The following COPS8 variants were observed in gnomAD, a reference collection of about 807,000 sequenced individuals.
COPS8 encodes COP9 signalosome complex subunit 8.
Under a neutral mutation model 31.5 loss-of-function variants are expected in COPS8, and 11 were observed. That is an observed-to-expected ratio of 0.35 (90% confidence interval 0.22 to 0.58). COPS8 has a LOEUF of 0.58. Ranked by LOEUF, COPS8 falls within the 20% of genes least tolerant of loss-of-function variation. The pLI is 0.83. For missense variants in COPS8, 215 were observed against 255.1 expected, an observed-to-expected ratio of 0.84 and a Z score of 1.07; for synonymous variants, 81 against 89.3, an observed-to-expected ratio of 0.91 and a Z score of 0.52.
At position 237,095,816 on chromosome 2, in the gene COPS8, T is replaced by G; in HGVS notation, c.440-6T>G. The G allele has an allele frequency of 6.3e-7, 1 of 1,599,086 alleles. No homozygotes were observed. On this transcript the variant is annotated splice_polypyrimidine_tract_variant and splice_region_variant and intron_variant, in intron 5 of 7. Transcript: ENST00000354371. ...CCGGATCTTTATGTGTAATATACTT[T>G]TTTAGGCATATTAGAACAAGGATGG...
rs1050649170 is a variant in COPS8 at position 237,085,975 on chromosome 2, C to A, written c.11C>A (p.Ala4Glu). The A allele has an allele frequency of 1.9e-6, 3 of 1,611,514 alleles. No homozygotes were observed. The highest frequency in any genetic ancestry group is 1.7e-5 in the Admixed American group (1 of 59,934). MPVAVMAESAFSFK... is the reference protein window; with the variant it reads MPVEVMAESAFSFK... ...AGGCCGGCCGCGAAGATGCCAGTGG[C>A]GGTGATGGCGGAAAGCGCCTTTAGT... The change falls in exon 1 of 8, where the codon GCG becomes GAG. Residue 4 changes from alanine (A) to glutamate (E), a missense_variant. Coordinates refer to ENST00000354371, the MANE Select transcript of COPS8 (RefSeq NM_006710.5).
intron 7 of COPS8, among the ~76,000 whole-genome samples, chr2:237,097,224 CT>C (rs996251270): frequency 0.024 from 2,306 of 95,978 alleles, 25 homozygotes; most frequent in African/African-American, 0.045. Context: ...TGTGGGTTTT[CT>C]TTTTTTTTTT....
At chr2:237,087,486 C>T in intron 2 of COPS8, 1 of 413,528 alleles carries the variant, frequency 2.4e-6, no homozygotes, top group Admixed American at 4.0e-5. Flanking sequence ...CCTCTATTTA[C>T]TTAACTTCAT....
intron 5 of COPS8, 59 bp from the exon 6 acceptor site, chr2:237,095,763 G>C: frequency 8.8e-7 from 1 of 1,137,330 alleles, no homozygotes; most frequent in Non-Finnish European, 1.3e-6. Context: ...TGGACAAGTT[G>C]TGGATTTTGT....
chr2:237,091,753 G>A (rs1339546050), intron 4 of COPS8, among the ~76,000 whole-genome samples: 1 of 152,242 alleles, frequency 6.6e-6, no homozygotes, highest in African/African-American at 2.4e-5. Flanking sequence ...GTAGACAGTA[G>A]CCATTCTCAT....
At position 237,085,955 on chromosome 2, in the gene COPS8, G is replaced by C; in HGVS notation, c.-10G>C. On this transcript the variant is annotated 5_prime_UTR_variant, in exon 1 of 8. Coordinates refer to ENST00000354371, the MANE Select transcript of COPS8 (RefSeq NM_006710.5). ...GTCCGGACGGTGCAGCGGCGAGGCC[G>C]GCCGCGAAGATGCCAGTGGCGGTGA... 2.5e-6 allele frequency: 4 copies of C among 1,612,000 alleles called. No homozygotes were observed. The highest frequency in any genetic ancestry group is 3.4e-6 in the Non-Finnish European group (4 of 1,178,990).
intron 7 of COPS8, 99 bp from the exon 8 acceptor site, chr2:237,097,564 C>A: frequency 1.4e-6 from 1 of 733,900 alleles, no homozygotes; most frequent in Non-Finnish European, 2.3e-6. Flanking sequence ...AGTTAACTTA[C>A]TGTTAAAAAT....
At chr2:237,093,771 T>G in intron 4 of COPS8, 2 of 1,007,590 alleles carry the variant, frequency 2.0e-6, no homozygotes, top group Non-Finnish European at 2.4e-6. Context: ...AAGTAAAATT[T>G]ATATCCCCAT....
intron 4 of COPS8, among the ~76,000 whole-genome samples, chr2:237,092,901 A>G (rs1208058255): frequency 6.6e-6 from 1 of 152,156 alleles, no homozygotes; most frequent in Non-Finnish European, 1.5e-5. Flanking sequence ...CATATATTTC[A>G]CTGGAGATGC....
At chr2:237,088,232 CTTA>C (rs1273539673) in intron 2 of COPS8, among the ~76,000 whole-genome samples, 1 of 152,124 alleles carries the variant, frequency 6.6e-6, no homozygotes, top group Non-Finnish European at 1.5e-5. Flanking sequence ...GTGTACCAGG[CTTA>C]TTGTCAGGGA....
intron 3 of COPS8, among the ~76,000 whole-genome samples, 153 bp downstream of exon 3, chr2:237,088,806 T>G (rs569975692): frequency 6.6e-6 from 1 of 152,356 alleles, no homozygotes; most frequent in Non-Finnish European, 1.5e-5. Flanking sequence ...AGTCCTCTAA[T>G]CAGAAATTTG....
chr2:237,090,294 A>G (rs548874251), intron 4 of COPS8, among the ~76,000 whole-genome samples: 19 of 152,292 alleles, frequency 1.2e-4, no homozygotes, highest in African/African-American at 4.6e-4. Context: ...AGTTTAAGGT[A>G]TGGGTTTGTA....
intron 2 of COPS8, chr2:237,087,408 AATTT>A (rs1553583333): frequency 5.7e-6 from 3 of 528,908 alleles, no homozygotes; most frequent in South Asian, 5.2e-5. Flanking sequence ...AAAACATTTC[AATTT>A]ATTATGACAA....
At chr2:237,091,339 AT>A (rs1308057744) in intron 4 of COPS8, among the ~76,000 whole-genome samples, 13 of 152,086 alleles carry the variant, frequency 8.5e-5, no homozygotes, top group Admixed American at 8.5e-4. Context: ...TCAGTGTCTT[AT>A]TTTCCTCATT....
In COPS8 at chr2:237,097,671, C is replaced by T; in HGVS notation, c.559C>T (p.Pro187Ser). The T allele has an allele frequency of 1.2e-6, 2 of 1,612,690 alleles. No individual in the cohort carries two copies. Among genetic ancestry groups the T allele is most frequent in the Non-Finnish European group, 1.7e-6 (2 of 1,178,954 alleles). Residue 187 changes from proline (P) to serine (S), a missense_variant, in exon 8 of 8, where the codon CCA (proline) becomes TCA (serine). Physicochemically the swap from Pro to Ser is moderately conservative, Grantham distance 74 (BLOSUM62 -1). Transcript: ENST00000354371. The stretch of plus-strand genomic sequence containing the variant: ...GTTTCTTTAACATACAGAGCCTGCT[C>T]CAGTTCCCCCAATACCCAATGAACA... ...NKFIPLSEPAPVPPIPNEQQL... is the reference protein window; with the variant it reads ...NKFIPLSEPASVPPIPNEQQL...
In COPS8 at chr2:237,089,508, T is replaced by G. The variant is rs186799003; in HGVS notation, c.199-354T>G. Among the ~76,000 whole-genome samples, 304 of 152,328 alleles carry G rather than the reference T, an allele frequency of 2.0e-3. 2 individuals carry two copies. The highest frequency in any genetic ancestry group is 7.2e-3 in the African/African-American group (298 of 41,566). On this transcript the variant is annotated intron_variant, in intron 3 of 7. Transcript: ENST00000354371. ...TACTTTTGACCTAAATATATATTCATAATATATCTATGAAATACAAATACA... is the reference window on the plus strand; with the variant it reads ...TACTTTTGACCTAAATATATATTCAGAATATATCTATGAAATACAAATACA...
intron 5 of COPS8, among the ~76,000 whole-genome samples, chr2:237,094,937 G>T (rs1341106447): frequency 6.6e-6 from 1 of 152,158 alleles, no homozygotes; most frequent in Admixed American, 6.5e-5. Flanking sequence ...CTGCACTCTA[G>T]CCTGGGCAAC....
chr2:237,090,222 A>G (rs1356681138), intron 4 of COPS8, among the ~76,000 whole-genome samples: 1 of 152,156 alleles, frequency 6.6e-6, no homozygotes, highest in Admixed American at 6.5e-5. Context: ...CTAGACAGAA[A>G]TTGCTCGTCA....
intron 4 of COPS8, among the ~76,000 whole-genome samples, chr2:237,090,788 C>T (rs576833484): frequency 1.3e-5 from 2 of 152,250 alleles, no homozygotes; most frequent in African/African-American, 4.8e-5. Context: ...TGGTAAAATT[C>T]TTAGCAGCAT....
Sources: gnomAD v4.1 joint callset for allele counts (sites outside exome capture counted in the v4.1 genomes callset) on GRCh38, gnomAD v4.1.1 for gene constraint, MANE v1.5 for transcripts, NCBI Gene and HGNC (gene_info 2026-07-23, HGNC 2026-07-21) for gene names.